SYNRG: variants seen among roughly 807,000 people sequenced by gnomAD.
The protein encoded by SYNRG is AP1 gamma subunit binding protein 1.
Under a neutral mutation model 130.9 loss-of-function variants are expected in SYNRG, and 37 were observed. The observed-to-expected ratio is 0.28, with a 90% CI of 0.22 to 0.37. The LOEUF is 0.37. SYNRG is among the 10% of genes least tolerant of loss of function. SYNRG has a pLI of 1.00. For synonymous variants in SYNRG, 539 were observed against 568.1 expected, an observed-to-expected ratio of 0.95 and a Z score of 0.73; for missense variants, 1,338 against 1,588.9, an observed-to-expected ratio of 0.84 and a Z score of 2.68.
At chr17:37,587,070 T>TA (rs1211406034) in intron 3 of SYNRG, among the ~76,000 whole-genome samples, 1 of 152,180 alleles carries the variant, frequency 6.6e-6, no homozygotes, top group Non-Finnish European at 1.5e-5. Context: ...ACATATTCAA[T>TA]AAAAAATTAC....
chr17:37,559,659 T>C lies in SYNRG; in HGVS notation c.1663+1536A>G, dbSNP rs1324526282. Reference sequence around the variant, plus strand: ...GAGCCAAGATCATGCCATTGCACTCTAGCCTGGTTGACAAAAATAAAACTC... The same window carrying C: ...GAGCCAAGATCATGCCATTGCACTCCAGCCTGGTTGACAAAAATAAAACTC... On this transcript the variant is annotated intron_variant, in intron 13 of 21. Transcript: ENST00000612223. 2.0e-5 allele frequency among the ~76,000 whole-genome samples: 3 copies of C among 152,104 alleles called. 1 individual carries two copies. The highest frequency in any genetic ancestry group is 2.0e-4 in the Admixed American group (3 of 15,262).
intron 6 of SYNRG, among the ~76,000 whole-genome samples, chr17:37,581,580 GTTTTGT>G (rs1012194270): frequency 4.2e-4 from 63 of 151,170 alleles, no homozygotes; most frequent in African/African-American, 1.2e-3. Context: ...GCCTTACCTT[GTTTTGT>G]TTTTGTTTTT....
At chr17:37,589,155 TAAAA>T (rs2061937171) in intron 3 of SYNRG, among the ~76,000 whole-genome samples, 1 of 152,174 alleles carries the variant, frequency 6.6e-6, no homozygotes, top group South Asian at 2.1e-4. Context: ...CAGTTAAGAC[TAAAA>T]GAGTAAAAGT....
At chr17:37,529,617 G>A (rs1341630527) in intron 19 of SYNRG, among the ~76,000 whole-genome samples, 3 of 151,780 alleles carry the variant, frequency 2.0e-5, no homozygotes, top group Non-Finnish European at 4.4e-5. Flanking sequence ...CAAGCTTGTA[G>A]CCACAGGAGC....
At chr17:37,533,957 C>T in intron 19 of SYNRG, among the ~76,000 whole-genome samples, 1 of 67,936 alleles carries the variant, frequency 1.5e-5, no homozygotes, top group Admixed American at 2.8e-4. Context: ...TTTTTTGAGA[C>T]AGAGTCTTGC....
intron 3 of SYNRG, among the ~76,000 whole-genome samples, chr17:37,587,610 T>C (rs936344763): frequency 1.3e-5 from 2 of 152,202 alleles, no homozygotes; most frequent in Non-Finnish European, 2.9e-5. Context: ...TCCGATCTTG[T>C]TCATGTCATC....
At chr17:37,524,965 A>G (rs1275152155) in intron 19 of SYNRG, among the ~76,000 whole-genome samples, 1 of 152,238 alleles carries the variant, frequency 6.6e-6, no homozygotes, top group African/African-American at 2.4e-5. Flanking sequence ...AAGCCCCTTA[A>G]TATCTGTTTA....
At chr17:37,585,523 T>C (rs1001936436) in intron 4 of SYNRG, 93 bp from the exon 5 acceptor site, 1 of 843,168 alleles carries the variant, frequency 1.2e-6, no homozygotes, top group Non-Finnish European at 1.9e-6. Context: ...AATATCATGT[T>C]GCACTTCCAG....
intron 17 of SYNRG, among the ~76,000 whole-genome samples, 199 bp from the exon 18 acceptor site, chr17:37,538,619 G>A (rs112855998): frequency 2.6e-5 from 4 of 152,180 alleles, no homozygotes; most frequent in Admixed American, 2.0e-4. Context: ...GTTTTGAGAC[G>A]GAGTCTCGCT....
chr17:37,578,007 A>C (rs1209701186), intron 6 of SYNRG, among the ~76,000 whole-genome samples: 1 of 149,544 alleles, frequency 6.7e-6, no homozygotes, highest in African/African-American at 2.4e-5. Flanking sequence ...GCTCACCCCC[A>C]TATTCTAAAG....
At chr17:37,532,628 G>A (rs2056750005) in intron 19 of SYNRG, among the ~76,000 whole-genome samples, 1 of 130,366 alleles carries the variant, frequency 7.7e-6, no homozygotes. Context: ...AGCCGAGATT[G>A]CACCATTGCA....
chr17:37,583,279 T>C (rs1050948542), intron 6 of SYNRG, among the ~76,000 whole-genome samples: 2 of 152,232 alleles, frequency 1.3e-5, no homozygotes, highest in African/African-American at 4.8e-5. Flanking sequence ...TATTAACTTC[T>C]AATATATATT....
rs1240490635 is a variant in SYNRG at position 37,542,550 on chromosome 17, T to G, written c.2624A>C (p.Lys875Thr). 6.2e-7 allele frequency: 1 copy of G among 1,610,882 alleles called. No homozygotes were observed. Among genetic ancestry groups the G allele is most frequent in the African/African-American group, 1.3e-5 (1 of 74,904 alleles). ...HPPAADIEDL[K>T]YAAFGSYSSN... Reference sequence around the variant, plus strand: ...ACTGTAGCTTCCAAAAGCAGCATATTTTAAGTCCTCTATATCTGAAAGGGA... The same window carrying G: ...ACTGTAGCTTCCAAAAGCAGCATATGTTAAGTCCTCTATATCTGAAAGGGA... Residue 875 changes from lysine (K) to threonine (T), a missense_variant, in exon 15 of 22, where the codon AAA (lysine) becomes ACA (threonine). Lys to Thr is a moderately conservative substitution (Grantham distance 78). This residue lies in a region of SYNRG where 1,146 missense variants were observed against 1,342.3 expected (regional missense o/e 0.85). Transcript: ENST00000612223.
At chr17:37,561,174 T>C (rs768936889) in intron 13 of SYNRG, 21 bp downstream of exon 13, 1 of 1,601,292 alleles carries the variant, frequency 6.2e-7, no homozygotes, top group Non-Finnish European at 8.5e-7. Context: ...AATTTATCCT[T>C]TTGAGGACTC....
intron 19 of SYNRG, among the ~76,000 whole-genome samples, chr17:37,525,374 A>G (rs1385956447): frequency 2.6e-5 from 4 of 152,236 alleles, no homozygotes; most frequent in Non-Finnish European, 5.9e-5. Flanking sequence ...AACTGCTACA[A>G]TGGTGTCCAG....
intron 8 of SYNRG, among the ~76,000 whole-genome samples, chr17:37,573,317 T>G (rs978144984): frequency 1.3e-5 from 2 of 152,000 alleles, no homozygotes; most frequent in South Asian, 4.1e-4. Flanking sequence ...GCAGGAGAAC[T>G]GCTTGAACCC....
chr17:37,549,012 G>A (rs1216425043), intron 14 of SYNRG, among the ~76,000 whole-genome samples: 1 of 151,310 alleles, frequency 6.6e-6, no homozygotes, highest in Non-Finnish European at 1.5e-5. Flanking sequence ...GCATGTGCCT[G>A]TAATCCCAGC....
At chr17:37,563,164 T>C (rs572764188) in intron 11 of SYNRG, among the ~76,000 whole-genome samples, 1 of 152,350 alleles carries the variant, frequency 6.6e-6, no homozygotes, top group Admixed American at 6.5e-5. Flanking sequence ...AAAACCACTG[T>C]AATCACCATG....
intron 2 of SYNRG, among the ~76,000 whole-genome samples, chr17:37,597,296 G>A (rs1304861544): frequency 6.6e-6 from 1 of 152,162 alleles, no homozygotes; most frequent in African/African-American, 2.4e-5. Flanking sequence ...TCTCATAAGA[G>A]GTCTTGAGCC....
Sources: gnomAD v4.1 joint callset for allele counts (sites outside exome capture counted in the v4.1 genomes callset) on GRCh38, gnomAD v4.1.1 for gene constraint, gnomAD v4.1.1 regional missense constraint, MANE v1.5 for transcripts, NCBI Gene and HGNC (gene_info 2026-07-23, HGNC 2026-07-21) for gene names.